Variants in BRD8 observed in about 807,000 individuals in gnomAD.
BRD8 encodes bromodomain containing 8.
BRD8 carries 67 observed loss-of-function variants against 143.1 expected under a neutral mutation model. The observed-to-expected ratio is 0.47, with a 90% confidence interval of 0.38 to 0.57. The LOEUF (loss-of-function observed/expected upper bound fraction) is 0.57, where lower values mean the gene tolerates loss of function less well. BRD8 is among the 20% of genes least tolerant of loss of function. BRD8 has a pLI of 0.00. For synonymous variants in BRD8, 505 were observed against 517.1 expected, an observed-to-expected ratio of 0.98 and a Z score of 0.32; for missense variants, 1,103 against 1,503.0, an observed-to-expected ratio of 0.73 and a Z score of 4.40.
chr5:138,152,716 G>A lies in BRD8; in HGVS notation c.2622C>T (p.Pro874=). 6.2e-7 allele frequency: 1 copy of A among 1,614,194 alleles called. No individual in the cohort carries two copies. Among genetic ancestry groups the A allele is most frequent in the South Asian group, 1.1e-5 (1 of 91,088 alleles). Residue 874 remains proline, a synonymous_variant, in exon 21 of 27, where the codon CCC becomes CCT. Transcript: ENST00000254900. ...WVWLDSEQDH[P]NDSELSNDCR... The stretch of plus-strand genomic sequence containing the variant: ...AGTCATTGCTCAACTCAGAGTCATT[G>A]GGATGATCTTGTTCAGAATCCAGCC...
intron 20 of BRD8, chr5:138,157,299 T>C: frequency 2.5e-6 from 4 of 1,612,406 alleles, no homozygotes; most frequent in Non-Finnish European, 3.4e-6. Context: ...AAAGGGAGCA[T>C]GAGTTGGTCA....
In BRD8 at chr5:138,170,330, C is replaced by G; in HGVS notation, c.505+15G>C. The G allele has an allele frequency of 6.4e-7, 1 of 1,563,168 alleles. No homozygotes were observed. The highest frequency in any genetic ancestry group is 8.8e-7 in the Non-Finnish European group (1 of 1,133,534). The stretch of plus-strand genomic sequence containing the variant: ...TGCAATCAATTGCTAAAGAGGCATA[C>G]TAGGTTCAGCTTACCCTGGTATGCA... On this transcript the variant is annotated intron_variant, in intron 7 of 26. Transcript: ENST00000254900.
intron 23 of BRD8, among the ~76,000 whole-genome samples, chr5:138,146,359 ATTTTTT>A (rs1310501840): frequency 9.1e-6 from 1 of 109,484 alleles, no homozygotes; most frequent in African/African-American, 3.4e-5. Context: ...TGCCCAGCCA[ATTTTTT>A]TTTTTTTTGA....
At chr5:138,149,330 G>C (rs996494756) in intron 23 of BRD8, among the ~76,000 whole-genome samples, 2 of 151,794 alleles carry the variant, frequency 1.3e-5, no homozygotes, top group Non-Finnish European at 2.9e-5. Flanking sequence ...TGTTGCCCAG[G>C]CTGGTCTCAA....
rs773509696 is a variant in BRD8 at position 138,164,129 on chromosome 5, T to A, written c.1830A>T (p.Ser610=). 3 of 1,614,116 alleles carry A rather than the reference T, an allele frequency of 1.9e-6. No homozygotes were observed. The highest frequency in any genetic ancestry group is 1.1e-5 in the South Asian group (1 of 91,082). ...ETQHKFEMSD[S]LKEESGTIFG... is the part of the protein sequence containing the mutation. ...AAATAGTCCCTGATTCTTCTTTCAATGAGTCTGCAGAGGAGAGAAAGACTA... is the reference window on the plus strand; with the variant it reads ...AAATAGTCCCTGATTCTTCTTTCAAAGAGTCTGCAGAGGAGAGAAAGACTA... The change falls in exon 14 of 27, where the codon TCA becomes TCT. Residue 610 remains serine (S), a synonymous_variant. Transcript: ENST00000254900.
chr5:138,150,865 A>AAGCTCTTCAGTCTCTCTGC lies in BRD8; in HGVS notation c.2981_2999dup (p.Ser1001GlnfsTer4). On this transcript the variant is annotated stop_gained and frameshift_variant, in exon 22 of 27. Transcript: ENST00000254900. LOFTEE classifies it high-confidence loss of function. ...CTACTAAGGGGTCTCCTTTAGCTGA[A>AAGCTCTTCAGTCTCTCTGC]AGCTCTTCAGTCTCTCTGCAGAGCT... 8 of 1,614,202 alleles carry AAGCTCTTCAGTCTCTCTGC rather than the reference A, an allele frequency of 5.0e-6. No individual in the cohort carries two copies. Among genetic ancestry groups the AAGCTCTTCAGTCTCTCTGC allele is most frequent in the Non-Finnish European group, 6.8e-6 (8 of 1,180,040 alleles).
At chr5:138,151,998 GCGCCCGCCACCA>G (rs1465329110) in intron 21 of BRD8, among the ~76,000 whole-genome samples, 1 of 152,198 alleles carries the variant, frequency 6.6e-6, no homozygotes, top group African/African-American at 2.4e-5. Context: ...GGGATTACAG[GCGCCCGCCACCA>G]CGCCCGGCTA....
intron 2 of BRD8, 110 bp from the exon 3 acceptor site, chr5:138,172,244 G>A: frequency 3.5e-6 from 3 of 854,682 alleles, no homozygotes; most frequent in South Asian, 1.5e-5. Flanking sequence ...GATGCGAATG[G>A]CCAGGCGCGG....
chr5:138,167,703 T>C (rs1753550761), intron 9 of BRD8: 4 of 484,852 alleles, frequency 8.2e-6, no homozygotes, highest in Non-Finnish European at 1.5e-5. Flanking sequence ...CAGTTCAATA[T>C]TACTCTCAAT....
At chr5:138,178,449 C>A in intron 1 of BRD8, 147 bp downstream of exon 1, 1 of 785,778 alleles carries the variant, frequency 1.3e-6, no homozygotes, top group Non-Finnish European at 2.2e-6. Context: ...AAACGTTGGT[C>A]TTCACGATGC....
At position 138,152,741 on chromosome 5, in the gene BRD8, C is replaced by G; in HGVS notation, c.2597G>C (p.Trp866Ser). The change falls in exon 21 of 27, where the codon TGG becomes TCG. Residue 866 changes from tryptophan to serine, a missense_variant. By Grantham distance (177) the Trp-to-Ser change is radical. This residue lies in a region of BRD8 where 369 missense variants were observed against 445.5 expected (regional missense o/e 0.83). Transcript: ENST00000254900. ...LSLFMGHEWV[W>S]LDSEQDHPND... is the part of the protein sequence containing the mutation. The stretch of plus-strand genomic sequence containing the variant: ...GGGATGATCTTGTTCAGAATCCAGC[C>G]AAACCCACTCGTGTCCCATCTGTAA... The G allele has an allele frequency of 6.2e-7, 1 of 1,613,746 alleles. No individual in the cohort carries two copies. Among genetic ancestry groups the G allele is most frequent in the South Asian group, 1.1e-5 (1 of 91,066 alleles).
Position 138,139,868 on chromosome 5 carries a change from T to A in BRD8, c.*206A>T. On this transcript the variant is annotated 3_prime_UTR_variant, in exon 27 of 27. Transcript: ENST00000254900. The stretch of plus-strand genomic sequence containing the variant: ...CGATGGAACAAAGATGTGGGCAACA[T>A]TTATGGCATAAATCCAAACCTCAGC... 1.8e-6 allele frequency: 1 copy of A among 541,726 alleles called. No individual in the cohort carries two copies. Among genetic ancestry groups the A allele is most frequent in the Non-Finnish European group, 3.3e-6 (1 of 306,202 alleles). The allele number at this position is 541,726 out of a possible 1,614,324, so 33.6% of individuals were successfully genotyped here. A position where few individuals can be genotyped will look rare whatever the true frequency, so the allele number is the denominator to read the frequency against.
chr5:138,168,137 C>T (rs1753590513), intron 8 of BRD8, 59 bp from the exon 9 acceptor site: 3 of 1,280,186 alleles, frequency 2.3e-6, no homozygotes, highest in African/African-American at 3.0e-5. Flanking sequence ...TACCATTTCC[C>T]AACAAAGCTC....
intron 10 of BRD8, 89 bp downstream of exon 10, chr5:138,166,428 CA>C: frequency 1.3e-6 from 1 of 742,842 alleles, no homozygotes; most frequent in Non-Finnish European, 2.2e-6. Flanking sequence ...AGAGAAGAAG[CA>C]TCTGAATCGG....
chr5:138,168,967 TC>T (rs1272413955), intron 8 of BRD8, among the ~76,000 whole-genome samples: 1 of 152,226 alleles, frequency 6.6e-6, no homozygotes, highest in East Asian at 1.9e-4. Flanking sequence ...GTCCCTTATT[TC>T]AGCAGGAATT....
At chr5:138,144,117 C>T (rs904809238) in intron 25 of BRD8, among the ~76,000 whole-genome samples, 1 of 107,160 alleles carries the variant, frequency 9.3e-6, no homozygotes, top group Admixed American at 1.0e-4. Flanking sequence ...TAAACAACTC[C>T]GGATGTACCA....
In BRD8 at chr5:138,170,911, G is replaced by A. The variant is rs78036699; in HGVS notation, c.361C>T (p.Arg121Trp). ...VIKETQERYRRLKRDAELIQA... is the reference protein window; with the variant it reads ...VIKETQERYRWLKRDAELIQA... ...ATTAGTTCTGCATCTCTCTTTAGCC[G>A]TCTATAGGAAGAAAGAGAGGTAGGT... The change falls in exon 6 of 27, where the codon CGG becomes TGG. Residue 121 changes from arginine (R) to tryptophan (W), a missense_variant and splice_region_variant. Transcript: ENST00000254900. 1.7e-5 allele frequency: 27 copies of A among 1,613,904 alleles called. No individual in the cohort carries two copies. The highest frequency in any genetic ancestry group is 6.7e-5 in the African/African-American group (5 of 75,022).
intron 20 of BRD8, chr5:138,156,825 TACACACACACACACAC>T (rs67288912): frequency 9.2e-5 from 74 of 803,170 alleles, no homozygotes; most frequent in Admixed American, 7.7e-4. Flanking sequence ...AAGTTTCAAA[TACACACACACACACAC>T]ACACACACAC....
intron 23 of BRD8, among the ~76,000 whole-genome samples, chr5:138,149,242 C>G (rs1752283955): frequency 6.6e-6 from 1 of 151,808 alleles, no homozygotes; most frequent in African/African-American, 2.4e-5. Context: ...TTCCGGAGTA[C>G]CTGAGACTAT....
Sources: allele counts gnomAD v4.1 joint callset (sites outside exome capture counted in the v4.1 genomes callset), GRCh38; gene constraint gnomAD v4.1.1; regional missense constraint gnomAD v4.1.1; transcripts MANE v1.5; gene names NCBI Gene and HGNC (gene_info 2026-07-23, HGNC 2026-07-21).